TRPM3: variants seen among roughly 807,000 people sequenced by gnomAD.
TRPM3 encodes transient receptor potential cation channel subfamily M member 3.
TRPM3 carries 77 observed loss-of-function variants against 181.2 expected under a neutral mutation model. That is an observed-to-expected ratio of 0.42 (90% CI 0.35 to 0.51). The LOEUF (loss-of-function observed/expected upper bound fraction) is 0.51. Among genes scored for constraint, TRPM3 ranks in the 20% least tolerant of loss-of-function variants. The pLI is 0.01. For missense variants in TRPM3, 1,759 were observed against 2,196.7 expected, an observed-to-expected ratio of 0.80 and a Z score of 3.98; for synonymous variants, 745 against 796.4, an observed-to-expected ratio of 0.94 and a Z score of 1.09.
At chr9:70,570,535 C>A (rs2052006057) in intron 22 of TRPM3, among the ~76,000 whole-genome samples, 1 of 152,110 alleles carries the variant, frequency 6.6e-6, no homozygotes, top group African/African-American at 2.4e-5. Flanking sequence ...TCTCGAACTC[C>A]TGACCTCAAG....
rs768597486 is a variant in TRPM3, at chr9:70,536,213, TTCTC to T, written c.4896_4899del (p.Arg1633ProfsTer11). 3.4e-5 allele frequency: 55 copies of T among 1,614,104 alleles called. No homozygotes were observed. The highest frequency in any genetic ancestry group is 1.2e-4 in the African/African-American group (9 of 74,942). The stretch of plus-strand genomic sequence containing the variant: ...GGAACAGTGATGTTGTTGGACAGGG[TTCTC>T]TCTGAGTTATCACCCTCCTGGGAGG... On this transcript the variant is annotated frameshift_variant, in exon 26 of 26. Transcript: ENST00000677713. LOFTEE classifies it high-confidence loss of function.
At chr9:70,966,485 T>A (rs947221064) in intron 1 of TRPM3, among the ~76,000 whole-genome samples, 1 of 152,042 alleles carries the variant, frequency 6.6e-6, no homozygotes, top group Non-Finnish European at 1.5e-5. Context: ...AGATGTGGAA[T>A]CAACTTAAAT....
chr9:70,878,734 G>A (rs1053139376), intron 1 of TRPM3, among the ~76,000 whole-genome samples: 1 of 152,036 alleles, frequency 6.6e-6, no homozygotes, highest in African/African-American at 2.4e-5. Flanking sequence ...GCCAACACCA[G>A]TTTATGAACC....
At chr9:71,321,861 T>C (rs1281725525) in intron 1 of TRPM3, among the ~76,000 whole-genome samples, 3 of 152,052 alleles carry the variant, frequency 2.0e-5, no homozygotes, top group Non-Finnish European at 4.4e-5. Flanking sequence ...AAGTGGTCCC[T>C]ACCCTCAAAG....
chr9:71,217,319 T>C (rs1270916435), intron 1 of TRPM3, among the ~76,000 whole-genome samples: 1 of 152,182 alleles, frequency 6.6e-6, no homozygotes, highest in South Asian at 2.1e-4. Context: ...CATGGTCATA[T>C]TTAGCAAAGA....
At chr9:71,012,746 A>ATT (rs1554799982) in intron 1 of TRPM3, among the ~76,000 whole-genome samples, 1 of 151,834 alleles carries the variant, frequency 6.6e-6, no homozygotes, top group Non-Finnish European at 1.5e-5. Context: ...TTTATTTTAT[A>ATT]TTTTAATATT....
At chr9:71,032,203 A>ACTATATATTATATAATATATTTT (rs2057610873) in intron 1 of TRPM3, among the ~76,000 whole-genome samples, 1 of 129,036 alleles carries the variant, frequency 7.7e-6, no homozygotes, top group Non-Finnish European at 1.6e-5. Flanking sequence ...TATAATATAT[A>ACTATATATTATATAATATATTTT]ATATATAGCA....
intron 1 of TRPM3, among the ~76,000 whole-genome samples, chr9:71,300,984 T>G (rs1201906706): frequency 6.6e-6 from 1 of 152,154 alleles, no homozygotes; most frequent in East Asian, 1.9e-4. Flanking sequence ...ATGTGCTAGA[T>G]TCCATGCTAT....
intron 8 of TRPM3, among the ~76,000 whole-genome samples, chr9:70,756,731 C>T (rs559365010): frequency 1.3e-4 from 20 of 152,198 alleles, no homozygotes; most frequent in Non-Finnish European, 2.5e-4. Context: ...TGCTCCTGAA[C>T]GACTACTGGG....
chr9:71,401,152 C>T (rs2309902), intron 1 of TRPM3, among the ~76,000 whole-genome samples: 68,049 of 143,826 alleles, frequency 0.47, 16,966 homozygotes, highest in East Asian at 0.61. Flanking sequence ...GAGCCAAGAT[C>T]GTGCCACTGC....
intron 1 of TRPM3, among the ~76,000 whole-genome samples, chr9:71,024,784 T>C (rs1382051881): frequency 2.0e-5 from 3 of 152,242 alleles, no homozygotes; most frequent in Non-Finnish European, 4.4e-5. Context: ...GATGATAGCA[T>C]AACGGTAAGT....
At chr9:71,353,563 T>C (rs1377636692) in intron 1 of TRPM3, among the ~76,000 whole-genome samples, 1 of 152,198 alleles carries the variant, frequency 6.6e-6, no homozygotes, top group African/African-American at 2.4e-5. Context: ...GACTTCAACC[T>C]TCTGTGGTCT....
At chr9:70,948,488 T>G (rs2096960612) in intron 1 of TRPM3, among the ~76,000 whole-genome samples, 1 of 152,162 alleles carries the variant, frequency 6.6e-6, no homozygotes, top group Non-Finnish European at 1.5e-5. Context: ...TATAATACAT[T>G]TTTGTACTGT....
intron 1 of TRPM3, among the ~76,000 whole-genome samples, chr9:71,144,088 T>C (rs570470024): frequency 6.6e-6 from 1 of 152,276 alleles, no homozygotes; most frequent in South Asian, 2.1e-4. Context: ...ATCTAGTTTT[T>C]CTCTATGTCT....
chr9:71,342,902 C>G (rs1288492826), intron 1 of TRPM3, among the ~76,000 whole-genome samples: 6 of 152,010 alleles, frequency 3.9e-5, no homozygotes, highest in Non-Finnish European at 7.4e-5. Context: ...AAGAAATAAG[C>G]TATCAAGCTA....
At chr9:71,446,907 T>A (rs2094211208), upstream of TRPM3, 1 of 1,399,614 alleles carries the variant, frequency 7.1e-7, no homozygotes, top group Non-Finnish European at 9.5e-7. Flanking sequence ...GCCGCGGGTC[T>A]CCCTCCAGCC....
chr9:71,375,740 T>C (rs575801934), intron 1 of TRPM3, among the ~76,000 whole-genome samples: 22 of 152,222 alleles, frequency 1.4e-4, no homozygotes, highest in African/African-American at 5.1e-4. Flanking sequence ...GCAACCACCA[T>C]CCTGATCAGC....
intron 1 of TRPM3, among the ~76,000 whole-genome samples, chr9:71,031,984 AT>A (rs372856948): frequency 0.65 from 1,889 of 2,888 alleles, 788 homozygotes; most frequent in East Asian, 1. Context: ...ATATATATAT[AT>A]ATTATATATA....
intron 1 of TRPM3, among the ~76,000 whole-genome samples, chr9:71,410,045 G>T (rs985760817): frequency 6.6e-6 from 1 of 152,130 alleles, no homozygotes; most frequent in Non-Finnish European, 1.5e-5. Flanking sequence ...AAATAAAGAG[G>T]TTCTCTCAAA....
Sources: gnomAD v4.1 joint callset for allele counts (sites outside exome capture counted in the v4.1 genomes callset) on GRCh38, gnomAD v4.1.1 for gene constraint, MANE v1.5 for transcripts, NCBI Gene and HGNC (gene_info 2026-07-23, HGNC 2026-07-21) for gene names.